The following RASSF7 variants were observed in gnomAD, a reference collection of about 807,000 sequenced individuals.
RASSF7 encodes the protein ras association domain-containing protein 7.
A neutral mutation model predicts 33.8 loss-of-function variants in RASSF7; 41 were observed. The observed-to-expected ratio is 1.21, with a 90% confidence interval of 0.95 to 1.57. The LOEUF (loss-of-function observed/expected upper bound fraction) is 1.57, where lower values mean the gene tolerates loss of function less well. Ranked by LOEUF, RASSF7 falls within the 40% of genes most tolerant of loss-of-function variation. The pLI is 0.00. For synonymous variants in RASSF7, 298 were observed against 212.8 expected (o/e 1.40, Z -3.48); for missense variants, 622 against 497.0 (o/e 1.25, Z -2.39).
Position 562,304 on chromosome 11 carries a change from G to T in RASSF7, c.350G>T (p.Arg117Leu), listed in dbSNP as rs781399750. The T allele has an allele frequency of 5.0e-6, 8 of 1,612,000 alleles. No homozygotes were observed. The highest frequency in any genetic ancestry group is 6.8e-6 in the Non-Finnish European group (8 of 1,179,832). ...LIRASLPVKP[R>L]AALGCEPRKT... ...CGTGCCAGCCTCCCTGTAAAGCCAC[G>T]GGCTGCGCTGGGCTGTGAGCCCCGC... The change falls in exon 3 of 6, where the codon CGG becomes CTG. Residue 117 changes from arginine (R) to leucine (L), a missense_variant. Physicochemically the swap from Arg to Leu is moderately radical, Grantham distance 102. Transcript: ENST00000397583.
chr11:563,780 C>T lies in RASSF7; in HGVS notation c.*135C>T, dbSNP rs978570691. Reference sequence around the variant, plus strand: ...AGCTGGGGGTGCAGTGGGGGACTGCCCTAGTCCTTGCCAGGTCGCCAGCAC... The same window carrying T: ...AGCTGGGGGTGCAGTGGGGGACTGCTCTAGTCCTTGCCAGGTCGCCAGCAC... On this transcript the variant is annotated 3_prime_UTR_variant, in exon 6 of 6. Coordinates refer to ENST00000397583, the MANE Select transcript of RASSF7 (RefSeq NM_003475.4). The T allele has an allele frequency of 3.6e-6, 3 of 830,988 alleles. No homozygotes were observed. The African/African-American group carries it at 5.2e-5, about 14-fold the overall frequency. The allele number at this position is 830,988 out of a possible 1,614,324, so 51.5% of individuals were successfully genotyped here.
At position 563,549 on chromosome 11, in the gene RASSF7, C is replaced by G. The variant is rs368492017; in HGVS notation, c.1035-9C>G. On this transcript the variant is annotated splice_polypyrimidine_tract_variant and intron_variant, in intron 5 of 5. Coordinates refer to ENST00000397583, the MANE Select transcript of RASSF7 (RefSeq NM_003475.4). ...GGCTGCAGCCACCTCAGCCTGTGTC[C>G]TCCCGCAGTGGCCCCCATGACGCAG... The G allele has an allele frequency of 1.7e-5, 27 of 1,611,706 alleles. No homozygotes were observed. The highest frequency in any genetic ancestry group is 2.2e-5 in the Non-Finnish European group (26 of 1,179,826).
chr11:562,493 GCCGGGAGCAGGC>G lies in RASSF7; in HGVS notation c.548_559del (p.Gln183_Glu186del), dbSNP rs1853376103. On this transcript the variant is annotated inframe_deletion, in exon 3 of 6. Coordinates refer to ENST00000397583, the MANE Select transcript of RASSF7 (RefSeq NM_003475.4). Reference sequence around the variant, plus strand: ...GAGGCCTTCTGGGAGCAAGAGCTGCGCCGGGAGCAGGCCCGGGAGCGAGAGGGACAGGCACGC... The same window carrying G: ...GAGGCCTTCTGGGAGCAAGAGCTGCGCCGGGAGCGAGAGGGACAGGCACGC... 3 of 1,549,922 alleles carry G rather than the reference GCCGGGAGCAGGC, an allele frequency of 1.9e-6. No homozygotes were observed. Among genetic ancestry groups the G allele is most frequent in the Non-Finnish European group, 2.6e-6 (3 of 1,146,912 alleles).
At chr11:561,701 G>A (rs1404216975) in intron 1 of RASSF7, 61 bp from the exon 2 acceptor site, 25 of 1,603,836 alleles carry the variant, frequency 1.6e-5, no homozygotes, top group South Asian at 1.4e-4. Context: ...ATGAGGAGAG[G>A]AGGACCAGCC....
At position 563,474 on chromosome 11, in the gene RASSF7, C is replaced by T. The variant is rs1487109522; in HGVS notation, c.1030C>T (p.Arg344Ter). ...CCATGCTGGTGCCCAGCCTAGGCCC[C>T]GAGGGTATGTCTGTGCCCCACCTCC... is the stretch of plus-strand genomic sequence containing the variant. ...ESHAGAQPRPRGGPHDAELLE... is the reference protein window; with the variant it reads ...ESHAGAQPRP Residue 344 changes from arginine to a stop codon, truncating the protein, a stop_gained, in exon 5 of 6, where the codon CGA (arginine) becomes TGA (stop). Coordinates refer to ENST00000397583, the MANE Select transcript of RASSF7 (RefSeq NM_003475.4). LOFTEE classifies it high-confidence loss of function. 1.8e-5 allele frequency: 29 copies of T among 1,610,284 alleles called. No individual in the cohort carries two copies. The highest frequency in any genetic ancestry group is 2.3e-5 in the Non-Finnish European group (27 of 1,179,200).
rs1467794423 is a variant in RASSF7 at position 563,748 on chromosome 11, C to T, written c.*103C>T. On this transcript the variant is annotated 3_prime_UTR_variant, in exon 6 of 6. Transcript: ENST00000397583. ...AGGCAGTGGGAAGCCCTGGGTTTGG[C>T]CTCAGGAGCTGGGGGTGCAGTGGGG... 5 of 1,160,002 alleles carry T rather than the reference C, an allele frequency of 4.3e-6. No individual in the cohort carries two copies. Among genetic ancestry groups the T allele is most frequent in the South Asian group, 1.5e-5 (1 of 68,336 alleles). 71.9% of individuals were successfully genotyped at this position (1,160,002 alleles called of 1,614,324 possible).
chr11:561,007 C>T lies in RASSF7; in HGVS notation c.-478C>T, dbSNP rs1333785170. The T allele has an allele frequency of 1.5e-5, 15 of 1,029,524 alleles. No homozygotes were observed. Among genetic ancestry groups the T allele is most frequent in the Non-Finnish European group, 1.7e-5 (15 of 859,668 alleles). 63.8% of individuals were successfully genotyped at this position (1,029,524 alleles called of 1,614,324 possible). A position where few individuals can be genotyped will look rare whatever the true frequency, so the allele number is the denominator to read the frequency against. ...GCGGCAGGTTGCGGCGGCGCCGGAGCGGGTCTCCAGGCTGGCGAGCGCCCA... is the reference window on the plus strand; with the variant it reads ...GCGGCAGGTTGCGGCGGCGCCGGAGTGGGTCTCCAGGCTGGCGAGCGCCCA... On this transcript the variant is annotated 5_prime_UTR_variant, in exon 1 of 6. Transcript: ENST00000397583.
rs1344177486 is a variant in RASSF7, at chr11:562,557, T to C, written c.603T>C (p.Ala201=). The C allele has an allele frequency of 2.6e-6, 4 of 1,546,240 alleles. No individual in the cohort carries two copies. In the South Asian group the frequency reaches 4.8e-5, roughly 18 times the overall value. Residue 201 remains alanine (A), a synonymous_variant, in exon 3 of 6, where the codon GCT becomes GCC. Transcript: ENST00000397583. ...ARLQALSAAT[A]EHAARLQALD... ...TGCAGGCACTAAGTGCGGCCACTGC[T>C]GAGCATGCCGCCCGGCTGCAGGCCC...
Position 563,612 on chromosome 11 carries a change from G to A in RASSF7, c.1089G>A (p.Trp363Ter). 6.2e-7 allele frequency: 1 copy of A among 1,611,620 alleles called. No individual in the cohort carries two copies. ...LEVAAAPAPE[W>*]CPLAAQPQAL ...TAGCAGCAGCTCCTGCCCCAGAGTGGTGTCCTCTGGCAGCCCAGCCCCAGG... is the reference window on the plus strand; with the variant it reads ...TAGCAGCAGCTCCTGCCCCAGAGTGATGTCCTCTGGCAGCCCAGCCCCAGG... Residue 363 changes from tryptophan (W) to a stop codon, truncating the protein, a stop_gained, in exon 6 of 6, where the codon TGG becomes TGA. Coordinates refer to ENST00000397583, the MANE Select transcript of RASSF7 (RefSeq NM_003475.4). LOFTEE classifies it high-confidence loss of function.
At chr11:561,500 G>T in intron 1 of RASSF7, 23 bp downstream of exon 1, 1 of 1,363,162 alleles carries the variant, frequency 7.3e-7, no homozygotes, top group Non-Finnish European at 9.5e-7. Context: ...GGAAATGCTG[G>T]ATCTGGTTAA....
At chr11:561,736 A>C in intron 1 of RASSF7, 26 bp from the exon 2 acceptor site, 1 of 1,612,524 alleles carries the variant, frequency 6.2e-7, no homozygotes, top group Non-Finnish European at 8.5e-7. Context: ...GCAGGTCCTG[A>C]CCCGGTGCCT....
chr11:561,101 C>G lies in RASSF7; in HGVS notation c.-384C>G. 1.0e-6 allele frequency: 1 copy of G among 985,960 alleles called. No homozygotes were observed. Among genetic ancestry groups the G allele is most frequent in the African/African-American group, 1.7e-5 (1 of 57,308 alleles). 61.1% of individuals were successfully genotyped at this position (985,960 alleles called of 1,614,324 possible). A position where few individuals can be genotyped will look rare whatever the true frequency, so the allele number is the denominator to read the frequency against. On this transcript the variant is annotated 5_prime_UTR_variant, in exon 1 of 6. Transcript: ENST00000397583. ...GCCTCGAGCCGGCCGGACGCCGACTCCAACTGGGGAGAGTTTTCCGCGATG... is the reference window on the plus strand; with the variant it reads ...GCCTCGAGCCGGCCGGACGCCGACTGCAACTGGGGAGAGTTTTCCGCGATG...
rs918847030 is a variant in RASSF7, at chr11:563,887, A to G, written c.*242A>G. ...ACTGCCTGTTGGGGACAGGAGATGC[A>G]TGGACAGTGTGCTCAAGCTGTGGGC... On this transcript the variant is annotated 3_prime_UTR_variant, in exon 6 of 6. Coordinates refer to ENST00000397583, the MANE Select transcript of RASSF7 (RefSeq NM_003475.4). 1 of 580,148 alleles carries G rather than the reference A, an allele frequency of 1.7e-6. No individual in the cohort carries two copies. The highest frequency in any genetic ancestry group is 3.1e-6 in the Non-Finnish European group (1 of 326,862). 35.9% of individuals were successfully genotyped at this position (580,148 alleles called of 1,614,324 possible).
chr11:563,836 G>A lies in RASSF7; in HGVS notation c.*191G>A. On this transcript the variant is annotated 3_prime_UTR_variant, in exon 6 of 6. Transcript: ENST00000397583. ...AGAAGCATGGGGCGTAGCCAGCTCG[G>A]AACTTGCCAGGCCCCAAAGGCCACG... The A allele has an allele frequency of 1.6e-6, 1 of 609,006 alleles. No homozygotes were observed. The highest frequency in any genetic ancestry group is 2.9e-6 in the Non-Finnish European group (1 of 347,272). 37.7% of individuals were successfully genotyped at this position (609,006 alleles called of 1,614,324 possible).
chr11:563,733 A>G lies in RASSF7; in HGVS notation c.*88A>G. On this transcript the variant is annotated 3_prime_UTR_variant, in exon 6 of 6. Transcript: ENST00000397583. ...GAGGGCTCCTCTGCCAGGCAGTGGG[A>G]AGCCCTGGGTTTGGCCTCAGGAGCT... The G allele has an allele frequency of 7.7e-7, 1 of 1,299,124 alleles. No homozygotes were observed. Among genetic ancestry groups the G allele is most frequent in the Non-Finnish European group, 1.1e-6 (1 of 945,112 alleles). The allele number at this position is 1,299,124 out of a possible 1,614,324, so 80.5% of individuals were successfully genotyped here.
Position 563,947 on chromosome 11 carries a change from T to G in RASSF7, c.*302T>G. 1 of 509,948 alleles carries G rather than the reference T, an allele frequency of 2.0e-6. No homozygotes were observed. Among genetic ancestry groups the G allele is most frequent in the Non-Finnish European group, 3.5e-6 (1 of 286,778 alleles). 31.6% of individuals were successfully genotyped at this position (509,948 alleles called of 1,614,324 possible). A position where few individuals can be genotyped will look rare whatever the true frequency, so the allele number is the denominator to read the frequency against. On this transcript the variant is annotated 3_prime_UTR_variant, in exon 6 of 6. Coordinates refer to ENST00000397583, the MANE Select transcript of RASSF7 (RefSeq NM_003475.4). ...CCTGCGGGAGAGGTCCTTCACTGTG[T>G]GTACACAGCAAGAGCATGTGTGTGC... is the stretch of plus-strand genomic sequence containing the variant.
At position 561,322 on chromosome 11, in the gene RASSF7, C is replaced by A. The variant is rs920714723; in HGVS notation, c.-163C>A. ...GGCGGGGGCTGCTCAGACCCGGAGT[C>A]TGCTCCATCTGCAGGGTCGAGGTCT... On this transcript the variant is annotated 5_prime_UTR_variant, in exon 1 of 6. In the 5' UTR this introduces an upstream ATG that the reference lacks. Transcript: ENST00000397583. The A allele has an allele frequency of 1.0e-6, 1 of 995,224 alleles. No individual in the cohort carries two copies. Among genetic ancestry groups the A allele is most frequent in the South Asian group, 4.5e-5 (1 of 22,374 alleles). The allele number at this position is 995,224 out of a possible 1,614,324, so 61.6% of individuals were successfully genotyped here.
At position 561,095 on chromosome 11, in the gene RASSF7, C is replaced by T. The variant is rs1045690048; in HGVS notation, c.-390C>T. The T allele has an allele frequency of 5.1e-6, 5 of 986,238 alleles. No homozygotes were observed. The highest frequency in any genetic ancestry group is 6.0e-6 in the Non-Finnish European group (5 of 830,724). 61.1% of individuals were successfully genotyped at this position (986,238 alleles called of 1,614,324 possible). ...GGGCGCGCCTCGAGCCGGCCGGACGCCGACTCCAACTGGGGAGAGTTTTCC... is the reference window on the plus strand; with the variant it reads ...GGGCGCGCCTCGAGCCGGCCGGACGTCGACTCCAACTGGGGAGAGTTTTCC... On this transcript the variant is annotated 5_prime_UTR_variant, in exon 1 of 6. Transcript: ENST00000397583.
Position 562,279 on chromosome 11 carries a change from C to A in RASSF7, c.325C>A (p.Arg109Ser). Residue 109 changes from arginine to serine, a missense_variant, in exon 3 of 6, where the codon CGT becomes AGT. Coordinates refer to ENST00000397583, the MANE Select transcript of RASSF7 (RefSeq NM_003475.4). The stretch of plus-strand genomic sequence containing the variant: ...TCCACCCCCGGAACGCTGCCTAATT[C>A]GTGCCAGCCTCCCTGTAAAGCCACG... The part of the protein sequence containing the change: ...SCPPPERCLI[R>S]ASLPVKPRAA... 1 of 1,612,886 alleles carries A rather than the reference C, an allele frequency of 6.2e-7. No homozygotes were observed. Among genetic ancestry groups the A allele is most frequent in the Non-Finnish European group, 8.5e-7 (1 of 1,179,982 alleles).
Sources: allele counts gnomAD v4.1 joint callset, GRCh38; gene constraint gnomAD v4.1.1; transcripts MANE v1.5; gene names NCBI Gene and HGNC (gene_info 2026-07-23, HGNC 2026-07-21).